The following SKIC3 variants were observed in gnomAD, a reference collection of about 807,000 sequenced individuals.
The protein encoded by SKIC3 is SKI3 subunit of superkiller complex.
At chr5:95,534,071 C>T in the SKIC3 span, among the ~76,000 whole-genome samples, 33 of 152,082 alleles carry the variant, frequency 2.2e-4, no homozygotes, top group African/African-American at 7.5e-4. Context: ...TCAATAACAA[C>T]AGTAACAGCA....
chr5:95,529,066 T>C, the SKIC3 span: 7 of 1,613,680 alleles, frequency 4.3e-6, no homozygotes, highest in Admixed American at 1.7e-5. Context: ...TGCCAGATGA[T>C]ACCATCCACT....
chr5:95,467,706 T>C, the SKIC3 span, among the ~76,000 whole-genome samples: 1 of 152,182 alleles, frequency 6.6e-6, no homozygotes, highest in Non-Finnish European at 1.5e-5. Context: ...GTAGACATTG[T>C]AGTCTTTTAT....
chr5:95,479,153 G>A, the SKIC3 span, among the ~76,000 whole-genome samples: 8 of 151,982 alleles, frequency 5.3e-5, no homozygotes, highest in Non-Finnish European at 8.8e-5. Flanking sequence ...GAAAGTCAAC[G>A]TATAAAAATC....
the SKIC3 span, chr5:95,522,074 T>A: frequency 1.2e-6 from 2 of 1,613,602 alleles, no homozygotes; most frequent in Non-Finnish European, 1.7e-6. Context: ...AGGCACATAA[T>A]CTTCTTTCTT....
the SKIC3 span, chr5:95,529,052 C>T: frequency 5.6e-6 from 9 of 1,613,758 alleles, no homozygotes; most frequent in Non-Finnish European, 6.8e-6. Context: ...TTGACTTGGG[C>T]TTCTGCCAGA....
At chr5:95,504,355 AAGTTTCTTT>A in the SKIC3 span, among the ~76,000 whole-genome samples, 1 of 151,124 alleles carries the variant, frequency 6.6e-6, no homozygotes, top group African/African-American at 2.5e-5. Flanking sequence ...AATTTACACT[AAGTTTCTTT>A]TGATAATTTC....
the SKIC3 span, chr5:95,490,860 C>T: frequency 1.7e-5 from 28 of 1,609,242 alleles, no homozygotes; most frequent in East Asian, 2.2e-5. Flanking sequence ...TTTAACCATT[C>T]AAGAAATCTG....
At chr5:95,551,481 C>A in the SKIC3 span, among the ~76,000 whole-genome samples, 7 of 152,080 alleles carry the variant, frequency 4.6e-5, no homozygotes, top group African/African-American at 1.7e-4. Context: ...GAAAGTCTTA[C>A]TGGTAAGAAA....
At chr5:95,497,266 G>T in the SKIC3 span, 1 of 761,082 alleles carries the variant, frequency 1.3e-6, no homozygotes, top group Middle Eastern at 3.0e-4. Context: ...AGTATTCGTT[G>T]AATGACTAAT....
the SKIC3 span, among the ~76,000 whole-genome samples, chr5:95,518,682 TACC>T: frequency 6.6e-6 from 1 of 152,118 alleles, no homozygotes; most frequent in African/African-American, 2.4e-5. Context: ...TGCATATAAA[TACC>T]ACATTTTCTT....
the SKIC3 span, chr5:95,509,649 C>T: frequency 3.1e-6 from 5 of 1,613,770 alleles, no homozygotes; most frequent in African/African-American, 6.7e-5. Context: ...TTTAAGTAAC[C>T]CAACATTGTG....
chr5:95,523,142 C>T, the SKIC3 span: 2 of 1,603,174 alleles, frequency 1.2e-6, no homozygotes, highest in Admixed American at 1.7e-5. Context: ...AATTAAAATG[C>T]TTAATTTAAG....
chr5:95,507,761 T>G, the SKIC3 span, among the ~76,000 whole-genome samples: 1 of 152,048 alleles, frequency 6.6e-6, no homozygotes, highest in South Asian at 2.1e-4. Context: ...TTTAGATTTA[T>G]GCCTAATTTG....
At chr5:95,502,765 TC>T in the SKIC3 span, 36 of 1,343,514 alleles carry the variant, frequency 2.7e-5, no homozygotes, top group Non-Finnish European at 3.7e-5. Context: ...GTGGGCCCAA[TC>T]CCTTTTGTTC....
At chr5:95,489,685 T>C in the SKIC3 span, among the ~76,000 whole-genome samples, 2 of 152,018 alleles carry the variant, frequency 1.3e-5, no homozygotes, top group African/African-American at 4.8e-5. Context: ...TGGTAAAATA[T>C]ATGATAGATA....
the SKIC3 span, among the ~76,000 whole-genome samples, chr5:95,554,149 G>A: frequency 2.0e-5 from 3 of 152,040 alleles, no homozygotes; most frequent in Non-Finnish European, 2.9e-5. Context: ...TTAGTATAAC[G>A]CTCAGCACCT....
chr5:95,526,512 T>C, the SKIC3 span, among the ~76,000 whole-genome samples: 1 of 150,846 alleles, frequency 6.6e-6, no homozygotes, highest in Non-Finnish European at 1.5e-5. Context: ...CTCGCTTCGA[T>C]GCCCAGGCTA....
the SKIC3 span, chr5:95,522,337 A>C: frequency 1.2e-6 from 2 of 1,610,016 alleles, no homozygotes; most frequent in Middle Eastern, 1.7e-4. Context: ...AAGAGAACTA[A>C]AAGTATGGAA....
At chr5:95,495,831 C>T in the SKIC3 span, among the ~76,000 whole-genome samples, 1 of 152,098 alleles carries the variant, frequency 6.6e-6, no homozygotes, top group South Asian at 2.1e-4. Context: ...CAGGTGACTT[C>T]AGTTGCACAT....
Sources: allele counts gnomAD v4.1 joint callset (sites outside exome capture counted in the v4.1 genomes callset), GRCh38; gene constraint gnomAD v4.1.1; transcripts MANE v1.5; gene names NCBI Gene and HGNC (gene_info 2026-07-23, HGNC 2026-07-21).